The following AGBL1 variants were observed in gnomAD, a reference collection of about 807,000 sequenced individuals.
AGBL1 encodes the protein AGBL carboxypeptidase 1, also known as cytosolic carboxypeptidase 4.
A neutral mutation model predicts 118.9 loss-of-function variants in AGBL1; 130 were observed. The observed-to-expected ratio is 1.09, with a 90% CI of 0.95 to 1.26. AGBL1 has a LOEUF of 1.26. Ranked by LOEUF, AGBL1 falls within the 50% of genes most tolerant of loss-of-function variation. The probability of loss-of-function intolerance (pLI) is 0.00; values close to 1 mark genes in which losing one functional copy is unlikely to be tolerated. For synonymous variants in AGBL1, 555 were observed against 478.9 expected, an observed-to-expected ratio of 1.16 and a Z score of -2.08; for missense variants, 1,584 against 1,298.1, an observed-to-expected ratio of 1.22 and a Z score of -3.38.
intron 16 of AGBL1, among the ~76,000 whole-genome samples, chr15:86,280,612 A>G (rs2079336779): frequency 6.6e-6 from 1 of 152,250 alleles, no homozygotes; most frequent in Non-Finnish European, 1.5e-5. Context: ...TGTTATTAGC[A>G]TATTTATAAT....
chr15:86,704,896 T>C (rs117488662), intron 22 of AGBL1, among the ~76,000 whole-genome samples: 1,820 of 152,200 alleles, frequency 0.012, 24 homozygotes, highest in East Asian at 0.067. Flanking sequence ...TGCCCAACAC[T>C]GATAGACAAG....
chr15:86,952,189 C>T (rs2080886847), intron 23 of AGBL1, among the ~76,000 whole-genome samples: 2 of 151,728 alleles, frequency 1.3e-5, no homozygotes. Flanking sequence ...CGAGATCACG[C>T]TGCTGCACTC....
At chr15:86,134,815 A>C in intron 1 of AGBL1, among the ~76,000 whole-genome samples, 1 of 151,444 alleles carries the variant, frequency 6.6e-6, no homozygotes, top group Non-Finnish European at 1.5e-5. Context: ...GGGTTTCACC[A>C]TGTTGGCCAG....
intron 16 of AGBL1, among the ~76,000 whole-genome samples, chr15:86,282,236 A>G (rs1428690811): frequency 6.6e-6 from 1 of 152,154 alleles, no homozygotes; most frequent in African/African-American, 2.4e-5. Flanking sequence ...AAAACACACA[A>G]AAAAGAGGAC....
At chr15:86,266,951 G>A (rs2079084070) in intron 12 of AGBL1, 39 bp from the exon 13 acceptor site, 1 of 1,406,160 alleles carries the variant, frequency 7.1e-7, no homozygotes, top group Non-Finnish European at 9.9e-7. Context: ...AAAGAGTAGT[G>A]ATAACACATA....
intron 22 of AGBL1, among the ~76,000 whole-genome samples, chr15:86,686,829 A>T (rs891460855): frequency 6.6e-6 from 1 of 152,160 alleles, no homozygotes; most frequent in Admixed American, 6.5e-5. Context: ...TTGGACAGAG[A>T]TGAAACTGAG....
At chr15:86,903,212 C>G (rs2080236124) in intron 22 of AGBL1, among the ~76,000 whole-genome samples, 1 of 151,836 alleles carries the variant, frequency 6.6e-6, no homozygotes, top group Non-Finnish European at 1.5e-5. Flanking sequence ...TTTCCTTTAT[C>G]TAGCTTTTGA....
intron 18 of AGBL1, among the ~76,000 whole-genome samples, chr15:86,490,077 G>T (rs910273340): frequency 6.6e-6 from 1 of 152,060 alleles, no homozygotes; most frequent in African/African-American, 2.4e-5. Context: ...TCAACATAAA[G>T]TGCTTCGGAG....
chr15:86,151,620 C>A (rs1038102541), intron 3 of AGBL1, among the ~76,000 whole-genome samples: 7 of 152,164 alleles, frequency 4.6e-5, no homozygotes, highest in African/African-American at 9.7e-5. Flanking sequence ...CAGCACAAGA[C>A]GAGTATGCCC....
At chr15:86,658,366 A>G (rs2085492555) in intron 21 of AGBL1, among the ~76,000 whole-genome samples, 1 of 152,200 alleles carries the variant, frequency 6.6e-6, no homozygotes, top group Non-Finnish European at 1.5e-5. Context: ...TATTTTTGCA[A>G]AAATGAATGA....
chr15:86,733,830 T>C (rs2141220679), intron 22 of AGBL1, among the ~76,000 whole-genome samples: 1 of 152,284 alleles, frequency 6.6e-6, no homozygotes, highest in Admixed American at 6.5e-5. Context: ...CTTTATCCTT[T>C]ATGGGAACTT....
At chr15:86,890,948 T>C (rs903536016) in intron 22 of AGBL1, among the ~76,000 whole-genome samples, 6 of 152,162 alleles carry the variant, frequency 3.9e-5, no homozygotes, top group Admixed American at 6.6e-5. Flanking sequence ...TCAGTGGTAG[T>C]TTAATGGAAA....
At chr15:86,825,380 G>A (rs1596521727) in intron 22 of AGBL1, among the ~76,000 whole-genome samples, 1 of 10,084 alleles carries the variant, frequency 9.9e-5, no homozygotes, top group African/African-American at 4.5e-4. Context: ...AGACAAGGTA[G>A]AAACTGTAAA....
chr15:86,099,149 A>G (rs1244067362), intron 1 of AGBL1, among the ~76,000 whole-genome samples: 2 of 152,220 alleles, frequency 1.3e-5, no homozygotes, highest in Non-Finnish European at 2.9e-5. Flanking sequence ...TCAAATAAAC[A>G]TTCTGATAAT....
intron 22 of AGBL1, among the ~76,000 whole-genome samples, chr15:86,725,880 A>G (rs1441816056): frequency 6.6e-6 from 1 of 152,194 alleles, no homozygotes; most frequent in Non-Finnish European, 1.5e-5. Flanking sequence ...AAGTATAGCT[A>G]TGATTGGAGG....
intron 24 of AGBL1, among the ~76,000 whole-genome samples, chr15:87,025,338 T>TA (rs1354443115): frequency 6.6e-6 from 1 of 151,854 alleles, no homozygotes; most frequent in African/African-American, 2.4e-5. Flanking sequence ...CACCAACAGT[T>TA]ATCAAGCTGA....
At chr15:86,214,627 C>G (rs1186367947) in intron 5 of AGBL1, among the ~76,000 whole-genome samples, 1 of 152,134 alleles carries the variant, frequency 6.6e-6, no homozygotes, top group Non-Finnish European at 1.5e-5. Flanking sequence ...CCGGTCTGCT[C>G]CTTTCCCCTC....
intron 22 of AGBL1, among the ~76,000 whole-genome samples, chr15:86,685,904 AC>A (rs1415472282): frequency 2.0e-5 from 3 of 152,170 alleles, no homozygotes; most frequent in Admixed American, 1.3e-4. Flanking sequence ...ACTGTTCTTT[AC>A]CGAAGAGCTG....
intron 24 of AGBL1, among the ~76,000 whole-genome samples, chr15:87,027,583 T>G (rs1420722934): frequency 6.6e-6 from 1 of 151,936 alleles, no homozygotes; most frequent in African/African-American, 2.4e-5. Flanking sequence ...ACATGCACGT[T>G]TATGTTCATG....
Sources: gnomAD v4.1 joint callset for allele counts (sites outside exome capture counted in the v4.1 genomes callset) on GRCh38, gnomAD v4.1.1 for gene constraint, MANE v1.5 for transcripts, NCBI Gene and HGNC (gene_info 2026-07-23, HGNC 2026-07-21) for gene names.